Variants in VPS54 observed in about 807,000 individuals in gnomAD.
VPS54 encodes the protein VPS54 subunit of GARP complex.
In VPS54, 45 loss-of-function variants were observed where a neutral mutation model predicts 121.5. The observed-to-expected ratio is 0.37, with a 90% CI of 0.29 to 0.47. The LOEUF (loss-of-function observed/expected upper bound fraction) is 0.47, where lower values mean the gene tolerates loss of function less well. Among genes scored for constraint, VPS54 ranks in the 20% least tolerant of loss-of-function variants. The pLI is 0.99. For synonymous variants in VPS54, 371 were observed against 385.8 expected, an observed-to-expected ratio of 0.96 and a Z score of 0.45; for missense variants, 1,090 against 1,131.4, an observed-to-expected ratio of 0.96 and a Z score of 0.52.
chr2:63,944,666 T>A lies in VPS54; in HGVS notation c.1246-11A>T. 1 of 1,599,188 alleles carries A rather than the reference T, an allele frequency of 6.3e-7. No individual in the cohort carries two copies. ...TTTATTAATCACACACTGCAAAATT[T>A]AAGAAAAAACAAAAACAATTTGATT... On this transcript the variant is annotated splice_polypyrimidine_tract_variant and intron_variant, in intron 9 of 22. Coordinates refer to ENST00000272322, the MANE Select transcript of VPS54 (RefSeq NM_016516.3).
At chr2:63,930,871 C>T (rs1674161164) in intron 12 of VPS54, among the ~76,000 whole-genome samples, 1 of 152,084 alleles carries the variant, frequency 6.6e-6, no homozygotes, top group African/African-American at 2.4e-5. Context: ...ACACCAATAA[C>T]AGACAAACAG....
chr2:63,988,360 T>G (rs956987131), intron 1 of VPS54, among the ~76,000 whole-genome samples: 4 of 152,226 alleles, frequency 2.6e-5, no homozygotes, highest in Admixed American at 2.6e-4. Context: ...CACTTGGTCA[T>G]GATGAATAAT....
chr2:63,972,077 TATAAC>T (rs1331466375), intron 4 of VPS54, 84 bp downstream of exon 4: 8 of 701,540 alleles, frequency 1.1e-5, no homozygotes, highest in Non-Finnish European at 1.7e-5. Flanking sequence ...AAATTATAGA[TATAAC>T]AGGCAATAAG....
intron 1 of VPS54, among the ~76,000 whole-genome samples, chr2:64,006,124 A>C (rs1307297302): frequency 2.0e-5 from 3 of 151,848 alleles, no homozygotes; most frequent in Non-Finnish European, 4.4e-5. Flanking sequence ...ACTTACTTAT[A>C]TTTGTTTCAT....
At chr2:63,950,023 G>A (rs1170143794) in intron 7 of VPS54, among the ~76,000 whole-genome samples, 2 of 152,120 alleles carry the variant, frequency 1.3e-5, no homozygotes, top group Non-Finnish European at 2.9e-5. Flanking sequence ...ACTCATCTCC[G>A]TCAAGTCATC....
At chr2:63,926,686 G>A (rs980220987) in intron 12 of VPS54, among the ~76,000 whole-genome samples, 5 of 152,198 alleles carry the variant, frequency 3.3e-5, no homozygotes, top group African/African-American at 4.8e-5. Context: ...GCGGGGCATC[G>A]CCTCACCTGG....
chr2:63,904,815 A>C lies in VPS54; in HGVS notation c.2626-5234T>G, dbSNP rs77694910. Among the ~76,000 whole-genome samples the C allele has an allele frequency of 4.2e-3, 634 of 152,328 alleles. 7 individuals are homozygous for C. Among genetic ancestry groups the C allele is most frequent in the African/African-American group, 0.014 (597 of 41,562 alleles). On this transcript the variant is annotated intron_variant, in intron 20 of 22. Coordinates refer to ENST00000272322, the MANE Select transcript of VPS54 (RefSeq NM_016516.3). ...TGGCCACATTCTGGGCCACAAAAGA[A>C]ATCTTAGACATAAAATAACTGGAGT...
At position 63,893,118 on chromosome 2, in the gene VPS54, C is replaced by G; in HGVS notation, c.*312G>C. 4 of 398,812 alleles carry G rather than the reference C, an allele frequency of 1.0e-5. No individual in the cohort carries two copies. Among genetic ancestry groups the G allele is most frequent in the South Asian group, 2.5e-5 (1 of 39,444 alleles). The allele number at this position is 398,812 out of a possible 1,614,324, so 24.7% of individuals were successfully genotyped here. On this transcript the variant is annotated 3_prime_UTR_variant, in exon 23 of 23. Transcript: ENST00000272322. ...TATAAAGTATACAGAGCATTCTAGT[C>G]AACTACAGCTGTGTTACAGCTATGT...
Position 63,981,816 on chromosome 2 carries a change from T to G in VPS54, c.208A>C (p.Lys70Gln). ...DQHRWTVYHS[K>Q]VNLPAALNDP... ...TTTAATGCTGCTGGGAGATTTACTT[T>G]GGAATGATATACAGTCCATCTATGT... The change falls in exon 3 of 23, where the codon AAA becomes CAA. Residue 70 changes from lysine to glutamine, a missense_variant. By Grantham distance (53) the Lys-to-Gln change is moderately conservative (BLOSUM62 1). Coordinates refer to ENST00000272322, the MANE Select transcript of VPS54 (RefSeq NM_016516.3). 1 of 1,613,806 alleles carries G rather than the reference T, an allele frequency of 6.2e-7. No individual in the cohort carries two copies. The highest frequency in any genetic ancestry group is 1.3e-5 in the African/African-American group (1 of 75,034).
At chr2:63,991,128 T>C (rs935164893) in intron 1 of VPS54, among the ~76,000 whole-genome samples, 1 of 152,226 alleles carries the variant, frequency 6.6e-6, no homozygotes, top group Non-Finnish European at 1.5e-5. Flanking sequence ...TTGATGCTCT[T>C]ACCACAGAAC....
intron 5 of VPS54, among the ~76,000 whole-genome samples, chr2:63,967,874 G>A (rs1283607229): frequency 2.6e-5 from 4 of 152,022 alleles, no homozygotes; most frequent in Non-Finnish European, 4.4e-5. Context: ...CCCATGTAAA[G>A]CTGCCATTTT....
At chr2:63,914,353 T>TA (rs1431410440) in intron 16 of VPS54, 66 bp from the exon 17 acceptor site, 2 of 1,118,074 alleles carry the variant, frequency 1.8e-6, no homozygotes, top group Admixed American at 4.2e-5. Context: ...ATTTGGCATA[T>TA]AAAAATCAAA....
Position 63,959,524 on chromosome 2 carries a change from T to TA in VPS54, c.1010+2533dup, listed in dbSNP as rs545162365. On this transcript the variant is annotated intron_variant, in intron 7 of 22. Coordinates refer to ENST00000272322, the MANE Select transcript of VPS54 (RefSeq NM_016516.3). Reference sequence around the variant, plus strand: ...ATAACACTCTTTACACATGTGGTTCTAAAAAAAAATAGAAAGATATTGAGC... The same window carrying TA: ...ATAACACTCTTTACACATGTGGTTCTAAAAAAAAAATAGAAAGATATTGAGC... Among the ~76,000 whole-genome samples the TA allele has an allele frequency of 2.2e-3, 329 of 151,172 alleles. 1 individual carries two copies. The highest frequency in any genetic ancestry group is 3.4e-3 in the Middle Eastern group (1 of 294).
At position 63,893,378 on chromosome 2, in the gene VPS54, A is replaced by C; in HGVS notation, c.*52T>G. On this transcript the variant is annotated 3_prime_UTR_variant, in exon 23 of 23. Transcript: ENST00000272322. ...AATCACAGGCATCCAGATTTTCTTC[A>C]TAACAAACACATCCCATGGTCAGAT... The C allele has an allele frequency of 6.7e-7, 1 of 1,490,978 alleles. No individual in the cohort carries two copies. The highest frequency in any genetic ancestry group is 9.4e-7 in the Non-Finnish European group (1 of 1,068,130). 92.4% of individuals were successfully genotyped at this position (1,490,978 alleles called of 1,614,324 possible).
intron 12 of VPS54, among the ~76,000 whole-genome samples, chr2:63,931,285 T>C (rs781224159): frequency 6.6e-6 from 1 of 152,208 alleles, no homozygotes; most frequent in African/African-American, 2.4e-5. Context: ...CAAAACAACA[T>C]GATACCGGTA....
chr2:63,972,078 A>G, intron 4 of VPS54, 88 bp downstream of exon 4: 2 of 712,752 alleles, frequency 2.8e-6, no homozygotes, highest in South Asian at 4.6e-5. Flanking sequence ...AATTATAGAT[A>G]TAACAGGCAA....
intron 6 of VPS54, among the ~76,000 whole-genome samples, chr2:63,964,536 T>C (rs1675902424): frequency 6.6e-6 from 1 of 152,168 alleles, no homozygotes; most frequent in African/African-American, 2.4e-5. Context: ...TGAAAGCCTG[T>C]GTCATGAGCA....
chr2:63,986,404 C>T (rs958112446), intron 1 of VPS54, among the ~76,000 whole-genome samples: 2 of 152,114 alleles, frequency 1.3e-5, no homozygotes, highest in African/African-American at 4.8e-5. Context: ...ACATAGTGAC[C>T]TCCACTTCCA....
At chr2:64,012,684 G>A (rs866760504) in intron 1 of VPS54, among the ~76,000 whole-genome samples, 3 of 146,578 alleles carry the variant, frequency 2.0e-5, no homozygotes, top group Non-Finnish European at 3.0e-5. Context: ...TCTCTTCATC[G>A]GCCCATCAAA....
Sources: gnomAD v4.1 joint callset for allele counts (sites outside exome capture counted in the v4.1 genomes callset) on GRCh38, gnomAD v4.1.1 for gene constraint, MANE v1.5 for transcripts, NCBI Gene and HGNC (gene_info 2026-07-23, HGNC 2026-07-21) for gene names.